The following LIN52 variants were observed in gnomAD, a reference collection of about 807,000 sequenced individuals.
LIN52 encodes lin-52 DREAM MuvB core complex component.
In LIN52, 4 loss-of-function variants were observed where a neutral mutation model predicts 18.5. The observed-to-expected ratio is 0.22, with a 90% confidence interval of 0.11 to 0.49. The LOEUF (loss-of-function observed/expected upper bound fraction) is 0.49, where lower values mean the gene tolerates loss of function less well. LIN52 is among the 20% of genes least tolerant of loss of function. The pLI, the probability that LIN52 is intolerant of heterozygous loss-of-function variation, is 0.97. For synonymous variants in LIN52, 34 were observed against 45.5 expected, an observed-to-expected ratio of 0.75 and a Z score of 1.02; for missense variants, 102 against 139.5, an observed-to-expected ratio of 0.73 and a Z score of 1.35.
intron 5 of LIN52, among the ~76,000 whole-genome samples, chr14:74,139,961 C>T (rs1310493959): frequency 6.6e-6 from 1 of 152,060 alleles, no homozygotes; most frequent in African/African-American, 2.4e-5. Flanking sequence ...TGTAATAAAA[C>T]ATGCTTCATA....
chr14:74,098,020 A>G (rs186197109), intron 4 of LIN52, among the ~76,000 whole-genome samples, 160 bp downstream of exon 4: 1 of 151,824 alleles, frequency 6.6e-6, no homozygotes, highest in East Asian at 1.9e-4. Context: ...GCCCTTCTCT[A>G]CCTTTTCCAT....
chr14:74,106,691 A>G (rs1302897003), intron 5 of LIN52, among the ~76,000 whole-genome samples: 1 of 152,166 alleles, frequency 6.6e-6, no homozygotes. Context: ...CCCAGGCTCA[A>G]GTGATTCTTA....
At chr14:74,090,361 C>T (rs1166324791) in intron 1 of LIN52, among the ~76,000 whole-genome samples, 1 of 148,504 alleles carries the variant, frequency 6.7e-6, no homozygotes, top group Non-Finnish European at 1.5e-5. Flanking sequence ...TTTGAGATGG[C>T]GTCTCATTCT....
chr14:74,111,146 TCTC>T (rs1267000840), intron 5 of LIN52, among the ~76,000 whole-genome samples: 1 of 152,170 alleles, frequency 6.6e-6, no homozygotes, highest in Non-Finnish European at 1.5e-5. Flanking sequence ...GTACTAGACT[TCTC>T]CACCCTCTGG....
chr14:74,097,681 A>G, intron 3 of LIN52, 113 bp from the exon 4 acceptor site: 1 of 695,196 alleles, frequency 1.4e-6, no homozygotes, highest in Non-Finnish European at 2.5e-6. Flanking sequence ...GACCTCAAGT[A>G]ATCCGCCCAC....
chr14:74,096,099 C>T (rs562897623), intron 3 of LIN52, 114 bp downstream of exon 3: 13 of 687,384 alleles, frequency 1.9e-5, no homozygotes, highest in African/African-American at 1.5e-4. Context: ...TCTCACTCTT[C>T]GCCCAGGCTG....
intron 5 of LIN52, among the ~76,000 whole-genome samples, chr14:74,146,095 G>A (rs2061151661): frequency 1.3e-5 from 2 of 152,138 alleles, no homozygotes; most frequent in Non-Finnish European, 2.9e-5. Context: ...ATAGATAGGT[G>A]CTTACTTTTC....
At chr14:74,170,194 C>G (rs2092560457) in intron 5 of LIN52, among the ~76,000 whole-genome samples, 1 of 152,168 alleles carries the variant, frequency 6.6e-6, no homozygotes, top group African/African-American at 2.4e-5. Context: ...GATGTGAGCT[C>G]CATGAGAGCC....
At chr14:74,120,897 C>T (rs2060995865) in intron 5 of LIN52, among the ~76,000 whole-genome samples, 1 of 151,470 alleles carries the variant, frequency 6.6e-6, no homozygotes, top group Admixed American at 6.6e-5. Context: ...GGCAACAGAG[C>T]GAGACTCTGT....
intron 1 of LIN52, among the ~76,000 whole-genome samples, chr14:74,088,337 C>G (rs534102887): frequency 1.3e-5 from 2 of 152,224 alleles, no homozygotes; most frequent in East Asian, 3.9e-4. Context: ...GTGATGCACT[C>G]ACCTCGGCCT....
At chr14:74,114,738 T>C (rs1208511008) in intron 5 of LIN52, among the ~76,000 whole-genome samples, 1 of 152,216 alleles carries the variant, frequency 6.6e-6, no homozygotes, top group Non-Finnish European at 1.5e-5. Context: ...TTCAGTCATA[T>C]TACCTAGGCA....
At chr14:74,143,056 GTC>G (rs1037283412) in intron 5 of LIN52, among the ~76,000 whole-genome samples, 11 of 151,730 alleles carry the variant, frequency 7.2e-5, no homozygotes, top group African/African-American at 2.7e-4. Context: ...TATGGAATGA[GTC>G]CAGAGCATAC....
At chr14:74,103,147 C>T (rs189238327) in intron 5 of LIN52, among the ~76,000 whole-genome samples, 8 of 151,872 alleles carry the variant, frequency 5.3e-5, no homozygotes, top group South Asian at 2.1e-4. Context: ...GGTGCAATCT[C>T]GGCTCACGGC....
chr14:74,177,098 A>G (rs529404178), intron 5 of LIN52, among the ~76,000 whole-genome samples: 5 of 152,052 alleles, frequency 3.3e-5, no homozygotes, highest in African/African-American at 1.2e-4. Flanking sequence ...TCCTGGGTTC[A>G]AGCCATTCTC....
intron 5 of LIN52, among the ~76,000 whole-genome samples, chr14:74,178,228 A>T (rs138056481): frequency 8.7e-4 from 132 of 152,340 alleles, no homozygotes; most frequent in African/African-American, 3.2e-3. Flanking sequence ...CCTCAAAGAC[A>T]CATCATTGAT....
chr14:74,146,994 C>T (rs1334163313), intron 5 of LIN52, among the ~76,000 whole-genome samples: 2 of 152,128 alleles, frequency 1.3e-5, no homozygotes, highest in Non-Finnish European at 2.9e-5. Context: ...CATGGTGGCT[C>T]ATGCCTGTAA....
At chr14:74,140,299 CAGT>C (rs1427246876) in intron 5 of LIN52, among the ~76,000 whole-genome samples, 1 of 152,168 alleles carries the variant, frequency 6.6e-6, no homozygotes, top group East Asian at 1.9e-4. Flanking sequence ...CTCATCCTCT[CAGT>C]AGGATCAATA....
chr14:74,124,796 GCAAGACC>G (rs2061018877), intron 5 of LIN52, among the ~76,000 whole-genome samples: 1 of 116,462 alleles, frequency 8.6e-6, no homozygotes, highest in African/African-American at 3.4e-5. Flanking sequence ...GGGTGACAGA[GCAAGACC>G]CTGTCTCAAA....
At chr14:74,196,247 A>C (rs886455434) in intron 5 of LIN52, among the ~76,000 whole-genome samples, 1 of 152,168 alleles carries the variant, frequency 6.6e-6, no homozygotes. Flanking sequence ...CCACTGAGAG[A>C]CTTCAGAATA....
Sources: gnomAD v4.1 joint callset for allele counts (sites outside exome capture counted in the v4.1 genomes callset) on GRCh38, gnomAD v4.1.1 for gene constraint, MANE v1.5 for transcripts, NCBI Gene and HGNC (gene_info 2026-07-23, HGNC 2026-07-21) for gene names.